Variants in GPAT3 observed in about 807,000 individuals in gnomAD.
The protein encoded by GPAT3 is glycerol-3-phosphate acyltransferase 3.
Under a neutral mutation model 58.8 loss-of-function variants are expected in GPAT3, and 53 were observed. The ratio of observed to expected loss-of-function variants is 0.90; its 90% CI spans 0.72 to 1.13. The LOEUF is 1.13. Among genes scored for constraint, GPAT3 ranks in the 50% most tolerant of loss-of-function variants. The pLI is 0.00. For missense variants in GPAT3, 511 were observed against 527.6 expected (o/e 0.97, Z 0.31); for synonymous variants, 197 against 187.4 (o/e 1.05, Z -0.42).
chr4:83,590,394 TTGAC>T (rs147683457), intron 6 of GPAT3, 102 bp downstream of exon 6: 23 of 1,019,568 alleles, frequency 2.3e-5, no homozygotes, highest in Admixed American at 6.4e-5. Context: ...TGTTAGAAAT[TTGAC>T]TGCGTTATAC....
At chr4:83,596,812 C>A in intron 7 of GPAT3, 46 bp from the exon 8 acceptor site, 1 of 1,467,158 alleles carries the variant, frequency 6.8e-7, no homozygotes, top group Non-Finnish European at 9.5e-7. Flanking sequence ...GGACATCCAC[C>A]TCTCTCTTTA....
chr4:83,536,632 G>T lies in GPAT3; in HGVS notation c.10G>T (p.Ala4Ser). Residue 4 changes from alanine to serine, a missense_variant, in exon 1 of 12, where the codon GCA becomes TCA. Physicochemically the swap from Ala to Ser is moderately conservative, Grantham distance 99. Coordinates refer to ENST00000264409, the MANE Select transcript of GPAT3 (RefSeq NM_032717.5). Reference protein sequence around the residue: MEGAELAGKILSTW... With the variant: MEGSELAGKILSTW... The stretch of plus-strand genomic sequence containing the variant: ...GTGGGTGCGCCGAGTCATGGAGGGC[G>T]CAGAGCTGGCCGGGAAGATCCTTTC... 2 of 1,612,390 alleles carry T rather than the reference G, an allele frequency of 1.2e-6. No individual in the cohort carries two copies. Among genetic ancestry groups the T allele is most frequent in the Non-Finnish European group, 1.7e-6 (2 of 1,179,860 alleles).
At chr4:83,598,888 C>A (rs113933654) in intron 11 of GPAT3, among the ~76,000 whole-genome samples, 165 bp downstream of exon 11, 2 of 146,260 alleles carry the variant, frequency 1.4e-5, no homozygotes, top group African/African-American at 5.0e-5. Context: ...CGCCTGGGCT[C>A]AAGGGATCCT....
intron 2 of GPAT3, among the ~76,000 whole-genome samples, chr4:83,566,396 C>A (rs928756631): frequency 1.0e-4 from 15 of 146,186 alleles, no homozygotes; most frequent in Non-Finnish European, 2.2e-4. Flanking sequence ...CCTATTTATT[C>A]TTTTTTTTAA....
chr4:83,582,570 T>C (rs1726186160), intron 3 of GPAT3, among the ~76,000 whole-genome samples: 1 of 152,232 alleles, frequency 6.6e-6, no homozygotes, highest in Admixed American at 6.5e-5. Context: ...GTTGATCATC[T>C]TGCTTCATTT....
intron 10 of GPAT3, 176 bp from the exon 11 acceptor site, chr4:83,598,468 A>G (rs1578201032): frequency 4.0e-6 from 3 of 746,674 alleles, no homozygotes; most frequent in Non-Finnish European, 4.5e-6. Context: ...ATTAAACAAT[A>G]CAACACTGCA....
At chr4:83,596,436 C>A (rs1322128039) in intron 7 of GPAT3, among the ~76,000 whole-genome samples, 1 of 152,026 alleles carries the variant, frequency 6.6e-6, no homozygotes, top group Admixed American at 6.5e-5. Flanking sequence ...ACCTGGGCAA[C>A]ATGGTGAAAT....
At chr4:83,595,881 C>T (rs1726808448) in intron 7 of GPAT3, among the ~76,000 whole-genome samples, 1 of 152,164 alleles carries the variant, frequency 6.6e-6, no homozygotes, top group Non-Finnish European at 1.5e-5. Flanking sequence ...CAAAGGTGGT[C>T]CATTACTCTT....
At chr4:83,572,322 A>C (rs1459257897) in intron 2 of GPAT3, among the ~76,000 whole-genome samples, 1 of 152,186 alleles carries the variant, frequency 6.6e-6, no homozygotes, top group African/African-American at 2.4e-5. Context: ...TAGATGAGGA[A>C]ATTGATCCTC....
At chr4:83,549,467 GTATGTA>G (rs1420569339) in intron 2 of GPAT3, among the ~76,000 whole-genome samples, 67 of 147,946 alleles carry the variant, frequency 4.5e-4, no homozygotes, top group East Asian at 1.2e-3. Context: ...GTGTGTGTGT[GTATGTA>G]TATATATATG....
chr4:83,574,624 A>ATTTTTTT lies in GPAT3; in HGVS notation c.209-6891_209-6885dup, dbSNP rs561972057. On this transcript the variant is annotated intron_variant, in intron 2 of 11. Coordinates refer to ENST00000264409, the MANE Select transcript of GPAT3 (RefSeq NM_032717.5). The stretch of plus-strand genomic sequence containing the variant: ...AAAGCTGACTTGTAAAGTAAAATGA[A>ATTTTTTT]TTTTTTTTTTTTTTTTTTTTTTTTT... Among the ~76,000 whole-genome samples the ATTTTTTT allele has an allele frequency of 1.5e-3, 82 of 55,570 alleles. 2 individuals are homozygous for ATTTTTTT. The highest frequency in any genetic ancestry group is 2.1e-3 in the Non-Finnish European group (59 of 28,570). 36.5% of individuals were successfully genotyped at this position (55,570 alleles called of 152,430 possible).
At chr4:83,572,160 A>G (rs62305342) in intron 2 of GPAT3, among the ~76,000 whole-genome samples, 27,971 of 152,166 alleles carry the variant, frequency 0.18, 3,202 homozygotes, top group East Asian at 0.31. Context: ...AAGATTCCAC[A>G]GAGAATTATG....
upstream of GPAT3, chr4:83,535,954 T>A (rs544398947): frequency 3.0e-6 from 3 of 985,492 alleles, no homozygotes; most frequent in East Asian, 3.4e-4. Context: ...TGCTGAGTGC[T>A]GGGGGAGGCG....
At chr4:83,583,064 G>A (rs1726217210) in intron 3 of GPAT3, among the ~76,000 whole-genome samples, 1 of 152,066 alleles carries the variant, frequency 6.6e-6, no homozygotes, top group Admixed American at 6.6e-5. Context: ...TTGGGAGGCC[G>A]AGGTGGGCGG....
At chr4:83,539,608 C>T (rs1333830821) in intron 1 of GPAT3, among the ~76,000 whole-genome samples, 4 of 152,162 alleles carry the variant, frequency 2.6e-5, no homozygotes, top group African/African-American at 7.2e-5. Context: ...CCTTCTTAAC[C>T]CACTGGTTCA....
At chr4:83,536,010 T>A (rs1724063913), upstream of GPAT3, 2 of 985,282 alleles carry the variant, frequency 2.0e-6, no homozygotes, top group Admixed American at 6.1e-5. Context: ...GCGGCACTCC[T>A]GGGCTAAGTA....
chr4:83,543,847 G>T (rs1724401508), intron 1 of GPAT3, among the ~76,000 whole-genome samples: 1 of 152,022 alleles, frequency 6.6e-6, no homozygotes, highest in Admixed American at 6.6e-5. Context: ...CGCCATGTTG[G>T]CCAGGCTAGT....
intron 2 of GPAT3, among the ~76,000 whole-genome samples, chr4:83,580,439 A>G (rs1305379096): frequency 6.6e-6 from 1 of 152,226 alleles, no homozygotes; most frequent in Non-Finnish European, 1.5e-5. Context: ...AGAATGCTAC[A>G]GTGAACACCC....
intron 2 of GPAT3, among the ~76,000 whole-genome samples, chr4:83,576,479 T>C (rs1725823480): frequency 6.6e-6 from 1 of 151,902 alleles, no homozygotes; most frequent in Non-Finnish European, 1.5e-5. Flanking sequence ...AGTCCCACTC[T>C]GTCACCCAGG....
Sources: allele counts gnomAD v4.1 joint callset (sites outside exome capture counted in the v4.1 genomes callset), GRCh38; gene constraint gnomAD v4.1.1; transcripts MANE v1.5; gene names NCBI Gene and HGNC (gene_info 2026-07-23, HGNC 2026-07-21).